NAALADL2: variants seen among roughly 807,000 people sequenced by gnomAD.
NAALADL2 encodes the protein N-acetylated alpha-linked acidic dipeptidase like 2, also known as inactive N-acetylated-alpha-linked acidic dipeptidase-like protein 2.
A neutral mutation model predicts 87.2 loss-of-function variants in NAALADL2; 76 were observed. The observed-to-expected ratio is 0.87, with a 90% CI of 0.72 to 1.05. The LOEUF (loss-of-function observed/expected upper bound fraction) is 1.05. NAALADL2 is among the 50% of genes least tolerant of loss of function. NAALADL2 has a pLI of 0.00. For missense variants in NAALADL2, 1,089 were observed against 945.8 expected, an observed-to-expected ratio of 1.15 and a Z score of -1.99; for synonymous variants, 354 against 331.0, an observed-to-expected ratio of 1.07 and a Z score of -0.75.
intron 2 of NAALADL2, among the ~76,000 whole-genome samples, chr3:174,621,704 A>G (rs994054313): frequency 2.6e-5 from 4 of 152,212 alleles, no homozygotes; most frequent in Admixed American, 1.3e-4. Context: ...TGTTTCCACA[A>G]CTAGAAAAGA....
chr3:175,665,015 C>A (rs1560938337), intron 11 of NAALADL2, among the ~76,000 whole-genome samples: 1 of 152,104 alleles, frequency 6.6e-6, no homozygotes, highest in Non-Finnish European at 1.5e-5. Context: ...TGTATATGAA[C>A]ACTGACACAT....
chr3:175,185,446 A>G (rs1251785404), intron 2 of NAALADL2, among the ~76,000 whole-genome samples: 2 of 152,062 alleles, frequency 1.3e-5, no homozygotes, highest in African/African-American at 2.4e-5. Context: ...AGTAGATTGG[A>G]TAATTATCAT....
intron 3 of NAALADL2, among the ~76,000 whole-genome samples, chr3:174,834,092 A>G (rs1723049865): frequency 6.7e-6 from 1 of 148,912 alleles, no homozygotes; most frequent in Admixed American, 6.7e-5. Flanking sequence ...AGAGTTTGAA[A>G]AGAAGCAAAC....
rs184174703 is a variant in NAALADL2, at chr3:175,096,960, C to G, written c.214C>G (p.Gln72Glu). 209 of 1,613,320 alleles carry G rather than the reference C, an allele frequency of 1.3e-4. No homozygotes were observed. The African/African-American group carries it at 2.5e-3, about 20-fold the overall frequency. Reference sequence around the variant, plus strand: ...ATTCCAGCTAGACGGTGCTGAGAATCAGAACCTAGGGCATTCAGAGACTAT... The same window carrying G: ...ATTCCAGCTAGACGGTGCTGAGAATGAGAACCTAGGGCATTCAGAGACTAT... The part of the protein sequence containing the change: ...DQFQLDGAEN[Q>E]NLGHSETIDL... The change falls in exon 2 of 14, where the codon CAG becomes GAG. Residue 72 changes from glutamine to glutamate, a missense_variant. Transcript: ENST00000454872.
At chr3:175,128,931 T>TTTTG (rs372616563) in intron 2 of NAALADL2, among the ~76,000 whole-genome samples, 7 of 151,616 alleles carry the variant, frequency 4.6e-5, no homozygotes, top group South Asian at 2.1e-4. Context: ...ACCAATTTTT[T>TTTTG]TTTGTTTGTT....
intron 5 of NAALADL2, among the ~76,000 whole-genome samples, chr3:175,382,683 C>A (rs537078661): frequency 5.5e-4 from 84 of 151,728 alleles, no homozygotes; most frequent in Non-Finnish European, 1.1e-3. Context: ...TTGCCACCAG[C>A]AATATATGAA....
intron 2 of NAALADL2, among the ~76,000 whole-genome samples, chr3:175,139,291 G>C (rs989899078): frequency 2.6e-5 from 4 of 151,536 alleles, no homozygotes; most frequent in African/African-American, 9.7e-5. Flanking sequence ...AATAAAATGT[G>C]GCATTGGATA....
chr3:175,759,986 A>C (rs892512988), intron 13 of NAALADL2, among the ~76,000 whole-genome samples: 1 of 152,170 alleles, frequency 6.6e-6, no homozygotes, highest in African/African-American at 2.4e-5. Flanking sequence ...GAGAGGGTGC[A>C]CTGGAGTCAG....
chr3:175,218,959 C>T (rs1031112409), intron 2 of NAALADL2, among the ~76,000 whole-genome samples: 2 of 151,938 alleles, frequency 1.3e-5, no homozygotes, highest in Non-Finnish European at 2.9e-5. Flanking sequence ...GTGTGAGCCA[C>T]CGTGCCCAGC....
At chr3:174,806,317 A>G (rs997677093) in intron 3 of NAALADL2, among the ~76,000 whole-genome samples, 1 of 152,202 alleles carries the variant, frequency 6.6e-6, no homozygotes, top group Non-Finnish European at 1.5e-5. Flanking sequence ...GGACATCTGG[A>G]GCTAGAATGG....
chr3:174,920,656 A>G (rs901172640), intron 1 of NAALADL2, among the ~76,000 whole-genome samples: 2 of 152,166 alleles, frequency 1.3e-5, no homozygotes, highest in African/African-American at 4.8e-5. Flanking sequence ...ATTCGACGGA[A>G]TGGCACTTTT....
chr3:174,552,265 T>C (rs1712215115), intron 2 of NAALADL2, among the ~76,000 whole-genome samples: 2 of 152,152 alleles, frequency 1.3e-5, no homozygotes, highest in Admixed American at 1.3e-4. Context: ...TATATACAAT[T>C]CAGGAAGGTA....
At chr3:174,675,920 C>A (rs938151951) in intron 2 of NAALADL2, among the ~76,000 whole-genome samples, 1 of 151,948 alleles carries the variant, frequency 6.6e-6, no homozygotes, top group Non-Finnish European at 1.5e-5. Context: ...GTAGATAGCT[C>A]TTTACGTTGT....
intron 13 of NAALADL2, among the ~76,000 whole-genome samples, chr3:175,793,219 T>TA (rs139130133): frequency 0.012 from 1,879 of 152,002 alleles, 53 homozygotes; most frequent in African/African-American, 0.043. Context: ...AGAATATTTT[T>TA]AGACTTTGTA....
At chr3:175,653,229 A>C (rs1731026269) in intron 11 of NAALADL2, among the ~76,000 whole-genome samples, 1 of 149,122 alleles carries the variant, frequency 6.7e-6, no homozygotes, top group Admixed American at 6.6e-5. Flanking sequence ...AAGGAAGGCA[A>C]AAAAAAAATC....
chr3:174,908,388 G>C (rs1733245649), intron 1 of NAALADL2, among the ~76,000 whole-genome samples: 1 of 152,056 alleles, frequency 6.6e-6, no homozygotes, highest in African/African-American at 2.4e-5. Context: ...GGAAAGTTCA[G>C]ACTGGCCAGT....
At chr3:175,747,126 T>C (rs1022221676) in intron 12 of NAALADL2, among the ~76,000 whole-genome samples, 1 of 152,188 alleles carries the variant, frequency 6.6e-6, no homozygotes, top group Non-Finnish European at 1.5e-5. Context: ...TCTTCAAAAC[T>C]AGTTTTTCTT....
intron 13 of NAALADL2, among the ~76,000 whole-genome samples, chr3:175,767,863 G>A (rs2150168180): frequency 6.6e-6 from 1 of 152,290 alleles, no homozygotes; most frequent in East Asian, 1.9e-4. Context: ...ACATTTGCCT[G>A]TTTATCTGCC....
intron 2 of NAALADL2, among the ~76,000 whole-genome samples, chr3:175,109,011 C>G (rs1190081214): frequency 4.0e-5 from 6 of 151,792 alleles, no homozygotes; most frequent in Non-Finnish European, 7.4e-5. Flanking sequence ...TGGTCCAGAT[C>G]TAAGCCTTTC....
Sources: gnomAD v4.1 joint callset for allele counts (sites outside exome capture counted in the v4.1 genomes callset) on GRCh38, gnomAD v4.1.1 for gene constraint, MANE v1.5 for transcripts, NCBI Gene and HGNC (gene_info 2026-07-23, HGNC 2026-07-21) for gene names.